COQ3: variants seen among roughly 807,000 people sequenced by gnomAD.
The protein encoded by COQ3 is coenzyme Q3, methyltransferase, also known as ubiquinone biosynthesis O-methyltransferase, mitochondrial.
A neutral mutation model predicts 33.1 loss-of-function variants in COQ3; 29 were observed. That is an observed-to-expected ratio of 0.88 (90% confidence interval 0.65 to 1.19). The LOEUF (loss-of-function observed/expected upper bound fraction) is 1.19. COQ3 is among the 50% of genes most tolerant of loss of function. COQ3 has a pLI of 0.00. For synonymous variants in COQ3, 173 were observed against 157.8 expected (o/e 1.10, Z -0.72); for missense variants, 437 against 430.7 (o/e 1.01, Z -0.13).
At chr6:99,385,986 AAAAAAAAGAAAAG>A (rs1468380003) in intron 1 of COQ3, among the ~76,000 whole-genome samples, 13 of 134,108 alleles carry the variant, frequency 9.7e-5, no homozygotes, top group African/African-American at 2.4e-4. Flanking sequence ...CAAAAAAAAA[AAAAAAAAGAAAAG>A]AAAAAAGAAA....
intron 5 of COQ3, among the ~76,000 whole-genome samples, chr6:99,372,607 G>A (rs201481634): frequency 3.9e-5 from 6 of 151,920 alleles, no homozygotes; most frequent in Non-Finnish European, 4.4e-5. Flanking sequence ...TAGTAGAGAC[G>A]GGGTTTCACC....
At chr6:99,381,857 T>C (rs1582724907) in intron 2 of COQ3, among the ~76,000 whole-genome samples, 1 of 144,016 alleles carries the variant, frequency 6.9e-6, no homozygotes, top group Admixed American at 7.3e-5. Context: ...AGCAGGGAGG[T>C]GGAGGCTACA....
chr6:99,381,808 C>T (rs1774480193), intron 2 of COQ3, among the ~76,000 whole-genome samples: 1 of 151,816 alleles, frequency 6.6e-6, no homozygotes, highest in Non-Finnish European at 1.5e-5. Context: ...TGCCTATAAT[C>T]TCAGCTACTT....
intron 2 of COQ3, among the ~76,000 whole-genome samples, chr6:99,380,931 A>ATAG (rs1774457122): frequency 1.3e-5 from 2 of 150,042 alleles, no homozygotes; most frequent in African/African-American, 4.9e-5. Context: ...AATAATAATA[A>ATAG]TAGCTACCAT....
At chr6:99,388,059 G>A (rs1346523509) in intron 1 of COQ3, among the ~76,000 whole-genome samples, 2 of 152,184 alleles carry the variant, frequency 1.3e-5, no homozygotes, top group Non-Finnish European at 2.9e-5. Flanking sequence ...AGCTACTCGG[G>A]AGGCTGAGGC....
chr6:99,373,546 C>G (rs1774199261), intron 5 of COQ3, among the ~76,000 whole-genome samples: 1 of 152,024 alleles, frequency 6.6e-6, no homozygotes, highest in African/African-American at 2.4e-5. Context: ...TCCATTAAAG[C>G]AAAAATTAGT....
Position 99,375,970 on chromosome 6 carries a change from T to C in COQ3, c.699A>G (p.Thr233=), listed in dbSNP as rs749094949. Residue 233 remains threonine (T), a synonymous_variant, in exon 5 of 7, where the codon ACA becomes ACG. Coordinates refer to ENST00000254759, the MANE Select transcript of COQ3 (RefSeq NM_017421.4). ...EVVEHVIDLE[T]FLQCCCQVLK... ...ACACTTGACAGCAGCACTGTAAAAA[T>C]GTTTCTAGATCAATCACATGTTCTA... 13 of 1,614,010 alleles carry C rather than the reference T, an allele frequency of 8.1e-6. No homozygotes were observed. The South Asian group carries it at 9.9e-5, about 12-fold the overall frequency.
intron 2 of COQ3, 33 bp from the exon 3 acceptor site, chr6:99,380,374 C>T (rs1195828492): frequency 6.2e-7 from 1 of 1,605,722 alleles, no homozygotes; most frequent in African/African-American, 1.3e-5. Flanking sequence ...CAAGCAAATA[C>T]TGCTGTTTTG....
chr6:99,387,057 T>C lies in COQ3; in HGVS notation c.107-3233A>G, dbSNP rs185790196. 1.2e-3 allele frequency among the ~76,000 whole-genome samples: 180 copies of C among 152,238 alleles called. 2 individuals carry two copies. The highest frequency in any genetic ancestry group is 4.7e-4 in the Non-Finnish European group (32 of 68,016). On this transcript the variant is annotated intron_variant, in intron 1 of 6. Transcript: ENST00000254759. The stretch of plus-strand genomic sequence containing the variant: ...ACAATATAATTCAGCAACATACAAA[T>C]AGAAGAATACAGCACAACCAAGTGA...
chr6:99,389,847 C>G (rs1346929863), intron 1 of COQ3, among the ~76,000 whole-genome samples: 1 of 152,170 alleles, frequency 6.6e-6, no homozygotes, highest in Non-Finnish European at 1.5e-5. Context: ...GGTGTGGTGG[C>G]TCATGCCTAT....
At chr6:99,384,846 C>T (rs1774574411) in intron 1 of COQ3, among the ~76,000 whole-genome samples, 1 of 152,150 alleles carries the variant, frequency 6.6e-6, no homozygotes. Flanking sequence ...CGCAGTGGCT[C>T]ACGCTTGTAA....
chr6:99,383,201 T>C (rs930239576), intron 2 of COQ3: 8 of 152,242 alleles, frequency 5.3e-5, no homozygotes, highest in African/African-American at 1.9e-4. Context: ...AGGTTAAAAG[T>C]TGGCTTATAA....
intron 6 of COQ3, among the ~76,000 whole-genome samples, chr6:99,370,605 T>C (rs1774115634): frequency 6.6e-6 from 1 of 152,122 alleles, no homozygotes; most frequent in Admixed American, 6.6e-5. Flanking sequence ...TGCCTCGGCC[T>C]CCCAAAATGC....
Position 99,380,306 on chromosome 6 carries a change from GT to G in COQ3, c.268del (p.Thr90ProfsTer8), listed in dbSNP as rs777038091. 2 of 1,614,086 alleles carry G rather than the reference GT, an allele frequency of 1.2e-6. No individual in the cohort carries two copies. Among genetic ancestry groups the G allele is most frequent in the Non-Finnish European group, 8.5e-7 (1 of 1,179,990 alleles). ...TTTTACCTCACCGCTGTCGACAGTG[GT>G]TTGGGAAGTACTGTACAGTCTCGCC... ...PWARLYSTSQ[T>X]TVDSGEVKTF... On this transcript the variant is annotated frameshift_variant, in exon 3 of 7. Transcript: ENST00000254759. LOFTEE classifies it high-confidence loss of function.
chr6:99,377,591 A>G, intron 3 of COQ3, 106 bp from the exon 4 acceptor site: 1 of 601,598 alleles, frequency 1.7e-6, no homozygotes, highest in South Asian at 2.7e-5. Flanking sequence ...ATTTAAATAA[A>G]TTATTCATTT....
At chr6:99,389,444 A>T (rs1449884401) in intron 1 of COQ3, among the ~76,000 whole-genome samples, 2 of 152,084 alleles carry the variant, frequency 1.3e-5, no homozygotes, top group Non-Finnish European at 2.9e-5. Context: ...TATTTTTGCC[A>T]CTTCTTGTGT....
chr6:99,393,039 G>A, intron 1 of COQ3, among the ~76,000 whole-genome samples: 1 of 151,964 alleles, frequency 6.6e-6, no homozygotes, highest in East Asian at 1.9e-4. Flanking sequence ...GATTATAAAA[G>A]ACACATGTTT....
intron 5 of COQ3, among the ~76,000 whole-genome samples, chr6:99,374,646 A>G (rs1774235421): frequency 6.6e-6 from 1 of 152,210 alleles, no homozygotes; most frequent in Non-Finnish European, 1.5e-5. Context: ...CAGAGAACAA[A>G]GTCTGTTGTA....
chr6:99,392,947 T>G (rs756032371), intron 1 of COQ3, among the ~76,000 whole-genome samples: 2 of 152,282 alleles, frequency 1.3e-5, no homozygotes, highest in Admixed American at 6.5e-5. Context: ...GTTTCCTTGA[T>G]CCCAAATATG....
Sources: allele counts gnomAD v4.1 joint callset (sites outside exome capture counted in the v4.1 genomes callset), GRCh38; gene constraint gnomAD v4.1.1; transcripts MANE v1.5; gene names NCBI Gene and HGNC (gene_info 2026-07-23, HGNC 2026-07-21).